MRAP2: variants seen among roughly 807,000 people sequenced by gnomAD.
The protein encoded by MRAP2 is melanocortin-2 receptor accessory protein 2.
MRAP2 carries 20 observed loss-of-function variants against 17.4 expected under a neutral mutation model. The ratio of observed to expected loss-of-function variants is 1.15; its 90% CI spans 0.81 to 1.67. The LOEUF is 1.67. Among genes scored for constraint, MRAP2 ranks in the 40% most tolerant of loss-of-function variants. MRAP2 has a pLI of 0.00. For synonymous variants in MRAP2, 96 were observed against 88.4 expected, an observed-to-expected ratio of 1.09 and a Z score of -0.48; for missense variants, 238 against 240.0, an observed-to-expected ratio of 0.99 and a Z score of 0.05.
At position 84,049,982 on chromosome 6, in the gene MRAP2, A is replaced by ATGTGTG. The variant is rs3028685; in HGVS notation, c.-7-5320_-7-5315dup. On this transcript the variant is annotated intron_variant, in intron 1 of 3. Transcript: ENST00000257776. ...CGAAGAGCCCAGCGTGCGTGCATTC[A>ATGTGTG]TGTGTGTGTGTGTGTACGTGCGTGT... is the stretch of plus-strand genomic sequence containing the variant. Among the ~76,000 whole-genome samples the ATGTGTG allele has an allele frequency of 3.4e-3, 516 of 151,178 alleles. 2 individuals carry two copies. Among genetic ancestry groups the ATGTGTG allele is most frequent in the African/African-American group, 0.011 (473 of 41,158 alleles).
chr6:84,095,981 G>A, the MRAP2 span, among the ~76,000 whole-genome samples: 1 of 152,312 alleles, frequency 6.6e-6, no homozygotes, highest in Admixed American at 6.5e-5. Flanking sequence ...AGAGAAATAC[G>A]CCTGCCTTGG....
At chr6:84,034,906 G>A (rs1252440659) in intron 1 of MRAP2, among the ~76,000 whole-genome samples, 4 of 151,950 alleles carry the variant, frequency 2.6e-5, no homozygotes, top group Admixed American at 2.0e-4. Flanking sequence ...AGGACTGTGA[G>A]TCTAGTTTCC....
At chr6:84,103,866 C>T in the MRAP2 span, among the ~76,000 whole-genome samples, 1 of 152,154 alleles carries the variant, frequency 6.6e-6, no homozygotes, top group Admixed American at 6.5e-5. Flanking sequence ...CTGCTGTGTT[C>T]TTGACTTCAT....
chr6:84,051,127 C>T (rs934432375), intron 1 of MRAP2, among the ~76,000 whole-genome samples: 3 of 152,166 alleles, frequency 2.0e-5, no homozygotes, highest in Non-Finnish European at 4.4e-5. Context: ...AGAAGCAGCC[C>T]CCTTAACATG....
rs1231014386 is a variant in MRAP2, at chr6:84,089,077, C to A, written c.228-14C>A. On this transcript the variant is annotated splice_polypyrimidine_tract_variant and intron_variant, in intron 3 of 3. Coordinates refer to ENST00000257776, the MANE Select transcript of MRAP2 (RefSeq NM_138409.4). ...TGGAGTGTAAGCAGTCTTTTATTTT[C>A]TTTTTTTAAATAGCAATGCAGAGTC... The A allele has an allele frequency of 1.9e-6, 3 of 1,589,272 alleles. No homozygotes were observed. The highest frequency in any genetic ancestry group is 1.4e-5 in the African/African-American group (1 of 73,460).
chr6:84,056,070 C>A (rs1562877258), intron 2 of MRAP2, among the ~76,000 whole-genome samples: 1 of 152,188 alleles, frequency 6.6e-6, no homozygotes, highest in African/African-American at 2.4e-5. Flanking sequence ...CATGGAACAT[C>A]CTTGCTTCAT....
chr6:84,049,745 T>C (rs1481650465), intron 1 of MRAP2, among the ~76,000 whole-genome samples: 6 of 152,200 alleles, frequency 3.9e-5, no homozygotes, highest in Non-Finnish European at 8.8e-5. Context: ...GGAACACTTT[T>C]GGTTAGCTGT....
At chr6:84,078,464 T>G (rs146510221) in intron 3 of MRAP2, among the ~76,000 whole-genome samples, 285 of 152,304 alleles carry the variant, frequency 1.9e-3, no homozygotes, top group Middle Eastern at 6.8e-3. Flanking sequence ...ATGTCTAACA[T>G]TAACATGATT....
chr6:84,089,352 G>A lies in MRAP2; in HGVS notation c.489G>A (p.Lys163=), dbSNP rs375536731. 8.7e-6 allele frequency: 14 copies of A among 1,614,174 alleles called. No individual in the cohort carries two copies. Among genetic ancestry groups the A allele is most frequent in the Non-Finnish European group, 1.2e-5 (14 of 1,180,022 alleles). ...AGGAGGAGCTGAACAGGCTCATGAA[G>A]TTTGACATCCCCAACTTTGTGAACA... is the stretch of plus-strand genomic sequence containing the variant. The part of the protein sequence containing the change: ...QPEEELNRLM[K]FDIPNFVNTD... Residue 163 remains lysine (K), a synonymous_variant, in exon 4 of 4, where the codon AAG becomes AAA. Coordinates refer to ENST00000257776, the MANE Select transcript of MRAP2 (RefSeq NM_138409.4).
intron 1 of MRAP2, among the ~76,000 whole-genome samples, chr6:84,046,923 G>A (rs979596069): frequency 1.4e-4 from 21 of 152,114 alleles, no homozygotes; most frequent in Non-Finnish European, 2.5e-4. Context: ...GGTTGAAAGG[G>A]ATGATTCCTC....
chr6:84,033,908 C>A, intron 1 of MRAP2, 25 bp downstream of exon 1: 2 of 986,162 alleles, frequency 2.0e-6, no homozygotes, highest in Non-Finnish European at 2.4e-6. Context: ...GACAGGGCGC[C>A]CAGGGCGGAG....
chr6:84,134,125 G>A, the MRAP2 span, among the ~76,000 whole-genome samples: 1 of 152,224 alleles, frequency 6.6e-6, no homozygotes, highest in African/African-American at 2.4e-5. Context: ...GCTCTGCCCA[G>A]TTCGAACTTC....
chr6:84,036,159 T>C (rs1025121181), intron 1 of MRAP2, among the ~76,000 whole-genome samples: 1 of 152,032 alleles, frequency 6.6e-6, no homozygotes, highest in Non-Finnish European at 1.5e-5. Flanking sequence ...TCATTTTGGC[T>C]TTTTTTCCTA....
chr6:84,066,004 AACAC>A (rs10684117), intron 3 of MRAP2, among the ~76,000 whole-genome samples: 6,211 of 142,422 alleles, frequency 0.044, 336 homozygotes, highest in African/African-American at 0.13. Flanking sequence ...TCTCTTTATA[AACAC>A]ACACACACAC....
the MRAP2 span, among the ~76,000 whole-genome samples, chr6:84,111,034 T>C: frequency 2.6e-5 from 4 of 152,222 alleles, no homozygotes; most frequent in African/African-American, 7.2e-5. Context: ...CCAGATAGCA[T>C]GATGCCTTCA....
At chr6:84,097,490 G>A in the MRAP2 span, among the ~76,000 whole-genome samples, 2 of 151,970 alleles carry the variant, frequency 1.3e-5, no homozygotes, top group Non-Finnish European at 2.9e-5. Flanking sequence ...TCAGTTCACT[G>A]TGTTTCCAGA....
At chr6:84,135,492 CTTG>C in the MRAP2 span, among the ~76,000 whole-genome samples, 1 of 150,700 alleles carries the variant, frequency 6.6e-6, no homozygotes, top group East Asian at 1.9e-4. Context: ...TGTTCTCTTA[CTTG>C]TTGGTGAGTA....
At chr6:84,075,130 C>G (rs1321586312) in intron 3 of MRAP2, among the ~76,000 whole-genome samples, 1 of 152,174 alleles carries the variant, frequency 6.6e-6, no homozygotes, top group Non-Finnish European at 1.5e-5. Context: ...CACGCGGCCT[C>G]CTAGGTTGCT....
chr6:84,102,165 A>C, the MRAP2 span, among the ~76,000 whole-genome samples: 1 of 152,198 alleles, frequency 6.6e-6, no homozygotes. Context: ...GCATGGTTAA[A>C]AAATTCATAG....
Sources: gnomAD v4.1 joint callset for allele counts (sites outside exome capture counted in the v4.1 genomes callset) on GRCh38, gnomAD v4.1.1 for gene constraint, MANE v1.5 for transcripts, NCBI Gene and HGNC (gene_info 2026-07-23, HGNC 2026-07-21) for gene names.